Variants in RNF212B observed in about 807,000 individuals in gnomAD.
RNF212B encodes the protein ring finger protein 212B.
RNF212B carries 52 observed loss-of-function variants against 55.5 expected under a neutral mutation model. That is an observed-to-expected ratio of 0.94 (90% CI 0.75 to 1.18). The LOEUF (loss-of-function observed/expected upper bound fraction) is 1.18, where lower values mean the gene tolerates loss of function less well. RNF212B is among the 50% of genes most tolerant of loss of function. RNF212B has a pLI of 0.00. For missense variants in RNF212B, 289 were observed against 350.4 expected (o/e 0.82, Z 1.40); for synonymous variants, 99 against 121.4 (o/e 0.82, Z 1.21).
intron 4 of RNF212B, 144 bp downstream of exon 4, chr14:23,244,540 T>C: frequency 1.8e-6 from 1 of 562,554 alleles, no homozygotes; most frequent in Non-Finnish European, 3.1e-6. Context: ...TCCTTGATGA[T>C]ACAAATTTCA....
chr14:23,243,477 C>T (rs937141772), intron 3 of RNF212B, among the ~76,000 whole-genome samples, 169 bp downstream of exon 3: 6 of 151,704 alleles, frequency 4.0e-5, no homozygotes, highest in Non-Finnish European at 5.9e-5. Flanking sequence ...GGGTGGATCG[C>T]CTGAGCTCAG....
At chr14:23,246,653 C>G (rs1015022495) in intron 4 of RNF212B, among the ~76,000 whole-genome samples, 2 of 152,112 alleles carry the variant, frequency 1.3e-5, no homozygotes, top group African/African-American at 4.8e-5. Flanking sequence ...TTCTCAAACT[C>G]CTGGCCTCAA....
chr14:23,268,802 C>T (rs1477192244), intron 11 of RNF212B, 122 bp from the exon 12 acceptor site: 3 of 755,438 alleles, frequency 4.0e-6, no homozygotes, highest in Non-Finnish European at 6.7e-6. Flanking sequence ...GCATTAGCCC[C>T]CAACCCTAAC....
At chr14:23,227,987 T>C (rs1057227193) in intron 2 of RNF212B, among the ~76,000 whole-genome samples, 1 of 152,046 alleles carries the variant, frequency 6.6e-6, no homozygotes, top group Non-Finnish European at 1.5e-5. Context: ...TCCCAGCACT[T>C]TGGGAGGCCG....
rs1025653407 is a variant in RNF212B at position 23,264,109 on chromosome 14, C to A, written c.525-65C>A. ...TCTGAAAAAAACCAAAACAAAAAAA[C>A]AACAACAATAAAAAGTAAAACTAGG... On this transcript the variant is annotated intron_variant, in intron 9 of 14. Transcript: ENST00000430154. The A allele has an allele frequency of 4.5e-6, 6 of 1,345,788 alleles. No individual in the cohort carries two copies. In the African/African-American group the frequency reaches 5.9e-5, roughly 13 times the overall value. 83.4% of individuals were successfully genotyped at this position (1,345,788 alleles called of 1,614,324 possible).
At chr14:23,272,702 T>A (rs375635832) in intron 14 of RNF212B, 121 bp from the exon 15 acceptor site, 1 of 705,020 alleles carries the variant, frequency 1.4e-6, no homozygotes, top group Non-Finnish European at 2.5e-6. Context: ...TGAAGAAAAC[T>A]ATGGGGAAGC....
intron 4 of RNF212B, among the ~76,000 whole-genome samples, chr14:23,246,591 TA>T (rs995184694): frequency 1.7e-4 from 25 of 150,956 alleles, no homozygotes; most frequent in African/African-American, 5.6e-4. Context: ...TAAAGTACTT[TA>T]AAAAAAAACA....
At chr14:23,228,721 C>A (rs1882264481) in intron 2 of RNF212B, among the ~76,000 whole-genome samples, 1 of 151,982 alleles carries the variant, frequency 6.6e-6, no homozygotes, top group South Asian at 2.1e-4. Context: ...AAGACTACAT[C>A]ATTTCAAGAC....
At position 23,259,941 on chromosome 14, in the gene RNF212B, A is replaced by G; in HGVS notation, c.402A>G (p.Leu134=). Residue 134 remains leucine (L), a synonymous_variant, in exon 6 of 15, where the codon CTA becomes CTG. Coordinates refer to ENST00000430154, the MANE Select transcript of RNF212B (RefSeq NM_001282322.3). ...AACTGAAGAAATTTCTAGCCATTCT[A>G]AAGGTGAATGAAATAGATTTTCCTT... is the stretch of plus-strand genomic sequence containing the variant. ...NGELKKFLAI[L]KESPSRYQGS... is the part of the protein sequence containing the mutation. 1 of 1,456,882 alleles carries G rather than the reference A, an allele frequency of 6.9e-7. No individual in the cohort carries two copies. The highest frequency in any genetic ancestry group is 9.3e-7 in the Non-Finnish European group (1 of 1,077,940). 90.2% of individuals were successfully genotyped at this position (1,456,882 alleles called of 1,614,324 possible).
upstream of RNF212B, among the ~76,000 whole-genome samples, chr14:23,237,641 C>T (rs926909825): frequency 6.6e-6 from 1 of 152,176 alleles, no homozygotes. Context: ...GCGTTCTCAT[C>T]GTTTATTGGA....
intron 2 of RNF212B, among the ~76,000 whole-genome samples, chr14:23,201,575 A>C (rs1042356426): frequency 2.0e-5 from 3 of 152,220 alleles, no homozygotes; most frequent in Non-Finnish European, 2.9e-5. Flanking sequence ...ATACCAAATA[A>C]GCCAAATTAT....
chr14:23,266,979 GT>G (rs1415063299), intron 11 of RNF212B, among the ~76,000 whole-genome samples: 4 of 151,982 alleles, frequency 2.6e-5, no homozygotes, highest in Admixed American at 6.6e-5. Flanking sequence ...TTGTTTTCTT[GT>G]TTTTTTGAGA....
chr14:23,223,504 G>A (rs544632524), intron 2 of RNF212B, among the ~76,000 whole-genome samples: 7 of 151,948 alleles, frequency 4.6e-5, no homozygotes, highest in African/African-American at 9.7e-5. Context: ...ACAGGCGCCC[G>A]CCATCAAGCC....
At chr14:23,229,223 TATATATATATATATATATATATA>T (rs1882321300) in intron 2 of RNF212B, among the ~76,000 whole-genome samples, 4 of 75,534 alleles carry the variant, frequency 5.3e-5, no homozygotes, top group Non-Finnish European at 1.0e-4. Context: ...TAATATTTTA[TATATATATATATATATATATATA>T]TATATATATA....
At chr14:23,264,426 A>G (rs1324939983) in intron 10 of RNF212B, among the ~76,000 whole-genome samples, 192 bp downstream of exon 10, 1 of 152,232 alleles carries the variant, frequency 6.6e-6, no homozygotes, top group African/African-American at 2.4e-5. Context: ...GGAAATAGTG[A>G]AAGTGTTTAA....
chr14:23,241,665 C>G (rs1883577849), intron 2 of RNF212B, among the ~76,000 whole-genome samples: 1 of 151,976 alleles, frequency 6.6e-6, no homozygotes, highest in Non-Finnish European at 1.5e-5. Flanking sequence ...CTCAAGTGAT[C>G]CGCCTGCCTC....
chr14:23,235,129 T>A (rs1010811926), upstream of RNF212B, among the ~76,000 whole-genome samples: 2 of 152,072 alleles, frequency 1.3e-5, no homozygotes, highest in Non-Finnish European at 2.9e-5. Flanking sequence ...GGAGAATTGC[T>A]TGAACCCAGT....
At chr14:23,196,658 T>C (rs923665672) in intron 2 of RNF212B, among the ~76,000 whole-genome samples, 8 of 152,084 alleles carry the variant, frequency 5.3e-5, no homozygotes, top group African/African-American at 9.7e-5. Context: ...CCCAGGCTGA[T>C]CTTGAACTCC....
At chr14:23,229,992 C>T (rs114075158) in intron 2 of RNF212B, 4 of 207,440 alleles carry the variant, frequency 1.9e-5, no homozygotes, top group Non-Finnish European at 1.0e-5. Context: ...TCTCCAATGT[C>T]TCCTTTTAAA....
Sources: gnomAD v4.1 joint callset for allele counts (sites outside exome capture counted in the v4.1 genomes callset) on GRCh38, gnomAD v4.1.1 for gene constraint, MANE v1.5 for transcripts, NCBI Gene and HGNC (gene_info 2026-07-23, HGNC 2026-07-21) for gene names.